FAF1: variants seen among roughly 807,000 people sequenced by gnomAD.
FAF1 encodes Fas associated factor 1, also known as FAS-associated factor 1.
In FAF1, 25 loss-of-function variants were observed where a neutral mutation model predicts 92.5. The observed-to-expected ratio is 0.27, with a 90% CI of 0.20 to 0.38. The LOEUF (loss-of-function observed/expected upper bound fraction) is 0.38, where lower values mean the gene tolerates loss of function less well. Ranked by LOEUF, FAF1 falls within the 10% of genes least tolerant of loss-of-function variation. The probability of loss-of-function intolerance (pLI) is 1.00; values close to 1 mark genes in which losing one functional copy is unlikely to be tolerated. For missense variants in FAF1, 636 were observed against 793.3 expected, an observed-to-expected ratio of 0.80 and a Z score of 2.38; for synonymous variants, 234 against 273.2, an observed-to-expected ratio of 0.86 and a Z score of 1.42.
intron 4 of FAF1, among the ~76,000 whole-genome samples, chr1:50,759,617 T>G (rs1660239279): frequency 6.6e-6 from 1 of 152,134 alleles, no homozygotes; most frequent in South Asian, 2.1e-4. Flanking sequence ...AACATACGTG[T>G]GCATGTGTCT....
intron 2 of FAF1, among the ~76,000 whole-genome samples, chr1:50,842,470 T>A (rs2124645982): frequency 6.6e-6 from 1 of 152,262 alleles, no homozygotes; most frequent in Non-Finnish European, 1.5e-5. Flanking sequence ...AAAATCATTT[T>A]TGGATTATGA....
intron 7 of FAF1, among the ~76,000 whole-genome samples, chr1:50,703,333 G>A (rs1657550352): frequency 6.6e-6 from 1 of 152,100 alleles, no homozygotes; most frequent in Non-Finnish European, 1.5e-5. Flanking sequence ...GTGTCATTGT[G>A]GATTGAATAG....
At chr1:50,628,445 G>A (rs11577260) in intron 8 of FAF1, among the ~76,000 whole-genome samples, 10,978 of 152,048 alleles carry the variant, frequency 0.072, 432 homozygotes, top group African/African-American at 0.1. Context: ...CTGTCTCTGC[G>A]GCCTTGGACA....
chr1:50,884,611 C>G (rs1024326991), intron 1 of FAF1, among the ~76,000 whole-genome samples: 13 of 152,030 alleles, frequency 8.6e-5, no homozygotes, highest in African/African-American at 3.1e-4. Context: ...GACACATCCC[C>G]CTTGGTCATG....
chr1:50,956,245 T>C (rs1198891070), intron 1 of FAF1, among the ~76,000 whole-genome samples: 1 of 152,180 alleles, frequency 6.6e-6, no homozygotes, highest in African/African-American at 2.4e-5. Context: ...TGTAATAAAT[T>C]CACCCATCTA....
rs60244087 is a variant in FAF1 at position 50,882,600 on chromosome 1, TTAAATAAATAAA to T, written c.46-24615_46-24604del. ...CTGGACAACAGAGCAAGACTCTGTCTTAAATAAATAAATAAATAAATAAATAAATAAATAAAT... is the reference window on the plus strand; with the variant it reads ...CTGGACAACAGAGCAAGACTCTGTCTTAAATAAATAAATAAATAAATAAAT... On this transcript the variant is annotated intron_variant, in intron 1 of 18. Coordinates refer to ENST00000396153, the MANE Select transcript of FAF1 (RefSeq NM_007051.3). Among the ~76,000 whole-genome samples the T allele has an allele frequency of 2.6e-3, 365 of 140,540 alleles. 1 individual carries two copies. The highest frequency in any genetic ancestry group is 6.4e-3 in the South Asian group (27 of 4,224). The allele number at this position is 140,540 out of a possible 152,430, so 92.2% of individuals were successfully genotyped here. A position where few individuals can be genotyped will look rare whatever the true frequency, so the allele number is the denominator to read the frequency against.
intron 1 of FAF1, among the ~76,000 whole-genome samples, chr1:50,905,194 T>C (rs922277838): frequency 6.6e-6 from 1 of 152,214 alleles, no homozygotes; most frequent in Non-Finnish European, 1.5e-5. Context: ...CCTTCATCCG[T>C]GTCCCTACAA....
chr1:50,719,900 G>T (rs576665740), intron 6 of FAF1, among the ~76,000 whole-genome samples: 2 of 152,126 alleles, frequency 1.3e-5, no homozygotes, highest in African/African-American at 4.8e-5. Context: ...CCAATTAGAT[G>T]TGTTGTGATT....
chr1:50,840,432 C>G (rs945675728), intron 2 of FAF1, among the ~76,000 whole-genome samples: 1 of 151,490 alleles, frequency 6.6e-6, no homozygotes, highest in Non-Finnish European at 1.5e-5. Flanking sequence ...ATATAATGCA[C>G]AAAAGATTTT....
At chr1:50,852,562 C>T (rs189277954) in intron 2 of FAF1, among the ~76,000 whole-genome samples, 453 of 152,090 alleles carry the variant, frequency 3.0e-3, no homozygotes, top group Middle Eastern at 3.4e-3. Flanking sequence ...AAGAAAAAAG[C>T]CAGTACAGAG....
intron 2 of FAF1, among the ~76,000 whole-genome samples, chr1:50,813,615 C>T (rs1364424113): frequency 6.6e-6 from 1 of 152,094 alleles, no homozygotes; most frequent in South Asian, 2.1e-4. Flanking sequence ...CAAGCACCAC[C>T]ATGCCCAACT....
chr1:50,549,564 G>A lies in FAF1; in HGVS notation c.1269-9836C>T, dbSNP rs189729190. Reference sequence around the variant, plus strand: ...GGAGGCTGAGGTGGGCGGACCACGAGGTCAGTTCAAGACCAGCCTGGCCAA... The same window carrying A: ...GGAGGCTGAGGTGGGCGGACCACGAAGTCAGTTCAAGACCAGCCTGGCCAA... On this transcript the variant is annotated intron_variant, in intron 13 of 18. Coordinates refer to ENST00000396153, the MANE Select transcript of FAF1 (RefSeq NM_007051.3). Among the ~76,000 whole-genome samples, 148 of 152,138 alleles carry A rather than the reference G, an allele frequency of 9.7e-4. 1 individual carries two copies. Among genetic ancestry groups the A allele is most frequent in the African/African-American group, 3.5e-3 (146 of 41,524 alleles).
intron 15 of FAF1, among the ~76,000 whole-genome samples, chr1:50,533,032 TC>T (rs1417793923): frequency 6.6e-6 from 1 of 152,174 alleles, no homozygotes; most frequent in Admixed American, 6.5e-5. Flanking sequence ...CCCAGGCTGA[TC>T]TCAAACTCCT....
chr1:50,469,625 G>A (rs1646545344), intron 18 of FAF1: 1 of 152,130 alleles, frequency 6.6e-6, no homozygotes, highest in Non-Finnish European at 1.5e-5. Flanking sequence ...GATCATCAAA[G>A]CCGTTTAAAA....
chr1:50,821,165 G>C (rs1275464313), intron 2 of FAF1, among the ~76,000 whole-genome samples: 2 of 152,158 alleles, frequency 1.3e-5, no homozygotes, highest in Non-Finnish European at 2.9e-5. Context: ...AAAGTACTCT[G>C]TGTTAGCTGC....
At chr1:50,633,811 G>A (rs954161427) in intron 8 of FAF1, among the ~76,000 whole-genome samples, 1 of 152,164 alleles carries the variant, frequency 6.6e-6, no homozygotes, top group Non-Finnish European at 1.5e-5. Flanking sequence ...AAACCCCCGT[G>A]AGGTTTGATA....
At chr1:50,813,237 CAG>C (rs1172968341) in intron 2 of FAF1, among the ~76,000 whole-genome samples, 3 of 151,426 alleles carry the variant, frequency 2.0e-5, no homozygotes, top group African/African-American at 7.3e-5. Flanking sequence ...AAGAAAAGCA[CAG>C]GGGAAAAATT....
chr1:50,894,302 A>AT (rs1304837003), intron 1 of FAF1, among the ~76,000 whole-genome samples: 16 of 141,068 alleles, frequency 1.1e-4, no homozygotes, highest in South Asian at 2.2e-4. Context: ...CTGTCTCAAA[A>AT]TTAAAAAAAA....
intron 12 of FAF1, among the ~76,000 whole-genome samples, chr1:50,580,797 G>A (rs1162852974): frequency 6.6e-6 from 1 of 152,110 alleles, no homozygotes; most frequent in African/African-American, 2.4e-5. Context: ...TTCCAAGAAA[G>A]AATATCACCT....
Sources: gnomAD v4.1 joint callset for allele counts (sites outside exome capture counted in the v4.1 genomes callset) on GRCh38, gnomAD v4.1.1 for gene constraint, MANE v1.5 for transcripts, NCBI Gene and HGNC (gene_info 2026-07-23, HGNC 2026-07-21) for gene names.